The following FAM53B variants were observed in gnomAD, a reference collection of about 807,000 sequenced individuals.
The protein encoded by FAM53B is protein FAM53B.
A neutral mutation model predicts 32.7 loss-of-function variants in FAM53B; 12 were observed. The observed-to-expected ratio is 0.37, with a 90% CI of 0.24 to 0.59. The LOEUF (loss-of-function observed/expected upper bound fraction) is 0.59. Ranked by LOEUF, FAM53B falls within the 20% of genes least tolerant of loss-of-function variation. The probability of loss-of-function intolerance (pLI) is 0.72; values close to 1 mark genes in which losing one functional copy is unlikely to be tolerated. For missense variants in FAM53B, 477 were observed against 577.7 expected (o/e 0.83, Z 1.79); for synonymous variants, 234 against 228.7 (o/e 1.02, Z -0.21).
At chr10:124,722,773 A>T (rs1950077257) in intron 1 of FAM53B, among the ~76,000 whole-genome samples, 1 of 152,224 alleles carries the variant, frequency 6.6e-6, no homozygotes, top group Non-Finnish European at 1.5e-5. Flanking sequence ...CAAACAAGAA[A>T]ATGACAACAG....
intron 4 of FAM53B, 55 bp downstream of exon 4, chr10:124,681,552 A>AC: frequency 6.8e-7 from 1 of 1,465,092 alleles, no homozygotes; most frequent in South Asian, 1.4e-5. Flanking sequence ...ACGGCCCAGA[A>AC]CCAGCAGAGG....
At chr10:124,634,925 G>A (rs866899367) in intron 4 of FAM53B, among the ~76,000 whole-genome samples, 77 of 152,156 alleles carry the variant, frequency 5.1e-4, no homozygotes, top group Admixed American at 1.6e-3. Context: ...TGAACTGTGT[G>A]GTATATGAAT....
intron 4 of FAM53B, among the ~76,000 whole-genome samples, chr10:124,642,105 G>A (rs750364455): frequency 6.6e-6 from 1 of 152,174 alleles, no homozygotes; most frequent in African/African-American, 2.4e-5. Flanking sequence ...ATAAGCCATC[G>A]GAGCCCTAAC....
At chr10:124,694,282 G>A (rs976546779) in intron 3 of FAM53B, among the ~76,000 whole-genome samples, 2 of 152,344 alleles carry the variant, frequency 1.3e-5, no homozygotes, top group African/African-American at 4.8e-5. Flanking sequence ...CAGACACAGC[G>A]TAGTCCCTCC....
intron 4 of FAM53B, among the ~76,000 whole-genome samples, chr10:124,647,384 C>T (rs947446146): frequency 3.9e-5 from 6 of 152,100 alleles, no homozygotes; most frequent in Non-Finnish European, 5.9e-5. Flanking sequence ...CCCCAAGCTG[C>T]GACAATCAGA....
chr10:124,681,922 C>T lies in FAM53B; in HGVS notation c.591G>A (p.Gly197=), dbSNP rs560396857. The change falls in exon 4 of 5, where the codon GGG becomes GGA. Residue 197 remains glycine (G), a synonymous_variant. Coordinates refer to ENST00000337318, the MANE Select transcript of FAM53B (RefSeq NM_014661.4). ...HHRFGGQPCQ[G]VPGSAPCGQA... is the part of the protein sequence containing the mutation. ...GTCCACACGGGGCTGAGCCTGGCAC[C>T]CCTTGGCAGGGCTGCCCTCCAAATC... is the stretch of plus-strand genomic sequence containing the variant. 5.2e-5 allele frequency: 84 copies of T among 1,613,966 alleles called. 1 individual carries two copies. The South Asian group carries it at 9.2e-4, about 18-fold the overall frequency.
In FAM53B at chr10:124,620,361, C is replaced by T; in HGVS notation, c.*2881G>A. 6.9e-6 allele frequency: 1 copy of T among 145,218 alleles called. No homozygotes were observed. Among genetic ancestry groups the T allele is most frequent in the South Asian group, 2.4e-4 (1 of 4,100 alleles). 9.0% of individuals were successfully genotyped at this position (145,218 alleles called of 1,614,324 possible). A position where few individuals can be genotyped will look rare whatever the true frequency, so the allele number is the denominator to read the frequency against. On this transcript the variant is annotated 3_prime_UTR_variant, in exon 5 of 5. Coordinates refer to ENST00000337318, the MANE Select transcript of FAM53B (RefSeq NM_014661.4). ...GGGGTGCATGTGGCACTAAGCCCCC[C>T]CCACCGCCCCGGCTTTCCTGCAGGC...
At chr10:124,634,656 C>T (rs1048720919) in intron 4 of FAM53B, among the ~76,000 whole-genome samples, 3 of 152,320 alleles carry the variant, frequency 2.0e-5, no homozygotes, top group African/African-American at 7.2e-5. Flanking sequence ...TCAATTAAGA[C>T]TCTTTCCTTT....
At chr10:124,696,282 C>G (rs1381359768) in intron 2 of FAM53B, 70 bp from the exon 3 acceptor site, 2 of 1,304,492 alleles carry the variant, frequency 1.5e-6, no homozygotes, top group African/African-American at 2.9e-5. Context: ...CTCTACTGAT[C>G]CCTTCTAAAG....
intron 3 of FAM53B, among the ~76,000 whole-genome samples, chr10:124,687,076 A>G (rs1482922901): frequency 6.6e-6 from 1 of 152,372 alleles, no homozygotes; most frequent in East Asian, 1.9e-4. Context: ...ACAATACGAG[A>G]AAAGTAAAAA....
At chr10:124,696,810 A>G (rs1302922944) in intron 2 of FAM53B, among the ~76,000 whole-genome samples, 4 of 152,146 alleles carry the variant, frequency 2.6e-5, no homozygotes, top group Admixed American at 6.5e-5. Context: ...CTCAAGGGTT[A>G]TATTTGGTCT....
Position 124,622,843 on chromosome 10 carries a change from T to G in FAM53B, c.*399A>C, listed in dbSNP as rs544006865. On this transcript the variant is annotated 3_prime_UTR_variant, in exon 5 of 5. Coordinates refer to ENST00000337318, the MANE Select transcript of FAM53B (RefSeq NM_014661.4). ...GGGCCCTGACATAGCAGATGGCCCCTGGCCCCCACCCCAGGCCCTCCCTGA... is the reference window on the plus strand; with the variant it reads ...GGGCCCTGACATAGCAGATGGCCCCGGGCCCCCACCCCAGGCCCTCCCTGA... 2 of 175,986 alleles carry G rather than the reference T, an allele frequency of 1.1e-5. No individual in the cohort carries two copies. The highest frequency in any genetic ancestry group is 4.7e-5 in the African/African-American group (2 of 42,156). 10.9% of individuals were successfully genotyped at this position (175,986 alleles called of 1,614,324 possible).
chr10:124,638,593 T>C (rs1450434459), intron 4 of FAM53B, among the ~76,000 whole-genome samples: 1 of 152,160 alleles, frequency 6.6e-6, no homozygotes, highest in Non-Finnish European at 1.5e-5. Context: ...GTGACCCACG[T>C]TGCCCACGAG....
intron 1 of FAM53B, among the ~76,000 whole-genome samples, chr10:124,729,801 T>C (rs1379180677): frequency 6.6e-6 from 1 of 152,152 alleles, no homozygotes; most frequent in Admixed American, 6.5e-5. Context: ...CATGCACAAA[T>C]GTGGGGGAGA....
intron 3 of FAM53B, among the ~76,000 whole-genome samples, chr10:124,695,539 T>G (rs1006723042): frequency 2.6e-5 from 4 of 152,160 alleles, no homozygotes; most frequent in African/African-American, 4.8e-5. Context: ...AGACAAAGAA[T>G]TAGGCACTTA....
chr10:124,732,914 G>T (rs117144903), intron 1 of FAM53B, among the ~76,000 whole-genome samples: 10 of 152,262 alleles, frequency 6.6e-5, no homozygotes, highest in Non-Finnish European at 1.5e-4. Flanking sequence ...TGAGCCCAAG[G>T]TGTCTGATCT....
intron 4 of FAM53B, among the ~76,000 whole-genome samples, chr10:124,677,871 A>G (rs1949746053): frequency 6.6e-6 from 1 of 152,206 alleles, no homozygotes; most frequent in African/African-American, 2.4e-5. Flanking sequence ...GGCAACAGAC[A>G]GGAGAATGCT....
intron 1 of FAM53B, among the ~76,000 whole-genome samples, chr10:124,709,070 A>C (rs1315399422): frequency 6.6e-6 from 1 of 152,268 alleles, no homozygotes; most frequent in Non-Finnish European, 1.5e-5. Flanking sequence ...GTGCTCAATC[A>C]GCAGCAGCTA....
intron 2 of FAM53B, among the ~76,000 whole-genome samples, chr10:124,704,637 C>A (rs1350176033): frequency 6.6e-6 from 1 of 152,070 alleles, no homozygotes; most frequent in East Asian, 1.9e-4. Context: ...CCAGTGGGGA[C>A]CGAGCAGAGG....
Sources: allele counts gnomAD v4.1 joint callset (sites outside exome capture counted in the v4.1 genomes callset), GRCh38; gene constraint gnomAD v4.1.1; transcripts MANE v1.5; gene names NCBI Gene and HGNC (gene_info 2026-07-23, HGNC 2026-07-21).